SHB: variants seen among roughly 807,000 people sequenced by gnomAD.
SHB encodes the protein SH2 domain-containing adapter protein B.
Under a neutral mutation model 52.3 loss-of-function variants are expected in SHB, and 20 were observed. That is an observed-to-expected ratio of 0.38 (90% CI 0.27 to 0.56). The LOEUF (loss-of-function observed/expected upper bound fraction) is 0.56. Ranked by LOEUF, SHB falls within the 20% of genes least tolerant of loss-of-function variation. The pLI, the probability that SHB is intolerant of heterozygous loss-of-function variation, is 0.71. For synonymous variants in SHB, 397 were observed against 316.5 expected, an observed-to-expected ratio of 1.25 and a Z score of -2.70; for missense variants, 825 against 723.3, an observed-to-expected ratio of 1.14 and a Z score of -1.61.
At chr9:38,021,211 A>G (rs1004448055) in intron 1 of SHB, among the ~76,000 whole-genome samples, 1 of 152,156 alleles carries the variant, frequency 6.6e-6, no homozygotes, top group Non-Finnish European at 1.5e-5. Context: ...CTGGTGGTGC[A>G]TGCCTGTAAT....
chr9:37,920,604 T>C (rs939350689), intron 5 of SHB, among the ~76,000 whole-genome samples: 1 of 152,232 alleles, frequency 6.6e-6, no homozygotes, highest in Non-Finnish European at 1.5e-5. Flanking sequence ...TGACTTGGCT[T>C]AGCCACTGGA....
intron 1 of SHB, among the ~76,000 whole-genome samples, chr9:38,023,051 A>G (rs1200909497): frequency 6.6e-6 from 1 of 152,238 alleles, no homozygotes; most frequent in Non-Finnish European, 1.5e-5. Context: ...GGCTTTAAGG[A>G]CTGGCTAAGT....
At chr9:37,965,207 G>A (rs1832735547) in intron 3 of SHB, among the ~76,000 whole-genome samples, 1 of 152,240 alleles carries the variant, frequency 6.6e-6, no homozygotes, top group South Asian at 2.1e-4. Context: ...GATGGGGAGT[G>A]GAGGTCGGGG....
intron 1 of SHB, among the ~76,000 whole-genome samples, chr9:38,032,840 C>T (rs1210937116): frequency 6.6e-6 from 1 of 152,194 alleles, no homozygotes; most frequent in African/African-American, 2.4e-5. Flanking sequence ...GACCCCAACA[C>T]CAAACCTCTG....
At chr9:37,994,677 T>G (rs981640059) in intron 2 of SHB, among the ~76,000 whole-genome samples, 1 of 152,214 alleles carries the variant, frequency 6.6e-6, no homozygotes. Context: ...TAAAACCCCA[T>G]GCAGATGTTA....
At chr9:37,963,635 G>A (rs1392726588) in intron 3 of SHB, among the ~76,000 whole-genome samples, 1 of 152,162 alleles carries the variant, frequency 6.6e-6, no homozygotes, top group Non-Finnish European at 1.5e-5. Flanking sequence ...GGGGAAAGGT[G>A]GGTGAGAGTG....
At position 38,062,602 on chromosome 9, in the gene SHB, T is replaced by C. The variant is rs572016669; in HGVS notation, c.717+5327A>G. Among the ~76,000 whole-genome samples the C allele has an allele frequency of 1.2e-4, 18 of 152,220 alleles. No individual in the cohort carries two copies. The East Asian group carries it at 3.3e-3, about 28-fold the overall frequency. On this transcript the variant is annotated intron_variant, in intron 1 of 5. Transcript: ENST00000377707. ...GCTGAATTGTTGCAGCCCAAGGCCA[T>C]CCTAAACCAGCCCACCAAACACGTA...
intron 5 of SHB, among the ~76,000 whole-genome samples, chr9:37,925,622 G>A (rs575135327): frequency 6.6e-5 from 10 of 152,294 alleles, no homozygotes; most frequent in African/African-American, 2.2e-4. Flanking sequence ...TAATGTGAGC[G>A]CTGGCCCTGC....
chr9:38,009,667 C>A (rs1337789275), intron 2 of SHB, among the ~76,000 whole-genome samples: 2 of 152,160 alleles, frequency 1.3e-5, no homozygotes, highest in Admixed American at 6.5e-5. Flanking sequence ...AGAGGCCACA[C>A]CAGAGGATGA....
chr9:37,993,003 C>CT (rs1820901668), intron 2 of SHB, among the ~76,000 whole-genome samples: 1 of 152,208 alleles, frequency 6.6e-6, no homozygotes, highest in South Asian at 2.1e-4. Flanking sequence ...CAAAGCATTT[C>CT]TTATCAGCTG....
chr9:38,034,009 G>A (rs956059389), intron 1 of SHB, among the ~76,000 whole-genome samples: 6 of 152,134 alleles, frequency 3.9e-5, no homozygotes, highest in African/African-American at 1.2e-4. Context: ...GGGTAATAAC[G>A]GGGCTCACCC....
chr9:37,985,336 AAG>A (rs1820791683), intron 2 of SHB, among the ~76,000 whole-genome samples: 1 of 152,248 alleles, frequency 6.6e-6, no homozygotes, highest in African/African-American at 2.4e-5. Context: ...GAAGTACTCG[AAG>A]AGAGACAAAG....
intron 1 of SHB, among the ~76,000 whole-genome samples, chr9:38,058,499 CCTG>C (rs1310953961): frequency 3.9e-5 from 6 of 152,220 alleles, no homozygotes; most frequent in Non-Finnish European, 7.3e-5. Context: ...CTGTCAAAGC[CCTG>C]CTTTCAGTGG....
In SHB at chr9:37,915,911, TGTA is replaced by T. The variant is rs1394372958; in HGVS notation, c.*3907_*3909del. On this transcript the variant is annotated 3_prime_UTR_variant, in exon 6 of 6. Transcript: ENST00000377707. ...AAAGACAAATGGTAAACAAGACACT[TGTA>T]GTATATTAAGAGCTTCACATTAAAT... Among the ~76,000 whole-genome samples the T allele has an allele frequency of 1.3e-5, 2 of 152,144 alleles. No individual in the cohort carries two copies. The highest frequency in any genetic ancestry group is 4.8e-5 in the African/African-American group (2 of 41,440).
chr9:37,932,891 A>G (rs1832330027), intron 5 of SHB, among the ~76,000 whole-genome samples: 1 of 152,240 alleles, frequency 6.6e-6, no homozygotes, highest in Non-Finnish European at 1.5e-5. Flanking sequence ...CTGGGATTAT[A>G]GGCATGAGGT....
In SHB at chr9:37,974,639, G is replaced by C. The variant is rs1167661165; in HGVS notation, c.1037C>G (p.Thr346Ser). Residue 346 changes from threonine to serine, a missense_variant, in exon 3 of 6, where the codon ACC becomes AGC. By Grantham distance (58) the Thr-to-Ser change is moderately conservative. Coordinates refer to ENST00000377707, the MANE Select transcript of SHB (RefSeq NM_003028.3). ...YDQPWEWNRV[T>S]IPALAAQFNG... is the part of the protein sequence containing the mutation. ...CTCCTTACCTGCCAGGGCTGGGATG[G>C]TGACCCGGTTCCACTCCCAAGGCTG... 6.8e-6 allele frequency: 11 copies of C among 1,612,864 alleles called. No individual in the cohort carries two copies. The highest frequency in any genetic ancestry group is 1.3e-5 in the African/African-American group (1 of 74,890).
intron 3 of SHB, among the ~76,000 whole-genome samples, chr9:37,959,254 A>C (rs1315626789): frequency 6.6e-6 from 1 of 152,086 alleles, no homozygotes; most frequent in African/African-American, 2.4e-5. Context: ...TGATGCCCCC[A>C]TTGGGATGGG....
At chr9:38,038,571 A>C (rs1821520606) in intron 1 of SHB, among the ~76,000 whole-genome samples, 1 of 152,164 alleles carries the variant, frequency 6.6e-6, no homozygotes, top group Non-Finnish European at 1.5e-5. Flanking sequence ...ACAAATGAGG[A>C]AACTGGCTCA....
chr9:38,054,478 T>G (rs1388202361), intron 1 of SHB, among the ~76,000 whole-genome samples: 1 of 152,028 alleles, frequency 6.6e-6, no homozygotes, highest in Non-Finnish European at 1.5e-5. Flanking sequence ...CAACCTCAAC[T>G]CACCCACCGG....
Sources: allele counts gnomAD v4.1 joint callset (sites outside exome capture counted in the v4.1 genomes callset), GRCh38; gene constraint gnomAD v4.1.1; transcripts MANE v1.5; gene names NCBI Gene and HGNC (gene_info 2026-07-23, HGNC 2026-07-21).